Variants in NOCT observed in about 807,000 individuals in gnomAD.
NOCT encodes the protein CCR4 carbon catabolite repression 4-like.
NOCT carries 18 observed loss-of-function variants against 35.0 expected under a neutral mutation model. That is an observed-to-expected ratio of 0.51 (90% CI 0.36 to 0.76). The LOEUF is 0.76. Among genes scored for constraint, NOCT ranks in the 30% least tolerant of loss-of-function variants. The pLI, the probability that NOCT is intolerant of heterozygous loss-of-function variation, is 0.01. For missense variants in NOCT, 479 were observed against 541.0 expected (o/e 0.89, Z 1.14); for synonymous variants, 235 against 226.3 (o/e 1.04, Z -0.34).
intron 1 of NOCT, among the ~76,000 whole-genome samples, chr4:139,017,175 A>G (rs1726327211): frequency 6.6e-6 from 1 of 151,292 alleles, no homozygotes; most frequent in African/African-American, 2.4e-5. Context: ...CAAATTAATT[A>G]TACTTTAAAA....
At chr4:139,033,660 G>A (rs1204376065) in intron 1 of NOCT, among the ~76,000 whole-genome samples, 2 of 151,750 alleles carry the variant, frequency 1.3e-5, no homozygotes, top group South Asian at 4.2e-4. Context: ...CCTGGGCAAT[G>A]GAGTGAGACC....
chr4:139,029,381 A>C (rs1726583023), intron 1 of NOCT, among the ~76,000 whole-genome samples: 1 of 152,250 alleles, frequency 6.6e-6, no homozygotes, highest in Non-Finnish European at 1.5e-5. Flanking sequence ...ATTTGGATTC[A>C]GGCAGCCTAA....
intron 1 of NOCT, among the ~76,000 whole-genome samples, chr4:139,028,932 A>C (rs1386054507): frequency 1.3e-5 from 2 of 152,006 alleles, no homozygotes; most frequent in African/African-American, 2.4e-5. Flanking sequence ...ACCTCCTCCC[A>C]GGTTCAAGCA....
chr4:139,043,415 G>A (rs1299004035), intron 2 of NOCT, 72 bp downstream of exon 2: 4 of 1,444,270 alleles, frequency 2.8e-6, no homozygotes, highest in Non-Finnish European at 3.9e-6. Flanking sequence ...CACATCCACA[G>A]TGCACTGTTT....
At chr4:139,025,030 A>G (rs539683465) in intron 1 of NOCT, among the ~76,000 whole-genome samples, 2 of 152,302 alleles carry the variant, frequency 1.3e-5, no homozygotes, top group East Asian at 3.9e-4. Context: ...TTCCTTCTAT[A>G]TTCTTCAGTC....
At chr4:139,029,455 A>AGCTGAGGCTT (rs1349150878) in intron 1 of NOCT, among the ~76,000 whole-genome samples, 1 of 152,166 alleles carries the variant, frequency 6.6e-6, no homozygotes, top group Non-Finnish European at 1.5e-5. Context: ...TCCTGGAGAG[A>AGCTGAGGCTT]GCTGAGGCTT....
At chr4:139,032,507 T>A (rs562948374) in intron 1 of NOCT, among the ~76,000 whole-genome samples, 12 of 151,924 alleles carry the variant, frequency 7.9e-5, no homozygotes, top group African/African-American at 1.9e-4. Flanking sequence ...TAAAAAAAAA[T>A]TTAATAAAAA....
At chr4:139,032,796 C>T (rs1475091448) in intron 1 of NOCT, among the ~76,000 whole-genome samples, 1 of 152,124 alleles carries the variant, frequency 6.6e-6, no homozygotes, top group Non-Finnish European at 1.5e-5. Context: ...TGAATAGCAA[C>T]TCCTATTAAG....
chr4:139,016,062 G>T lies in NOCT; in HGVS notation c.81G>T (p.Gly27=). The part of the protein sequence containing the change: ...APGLRRLPAP[G]LRRPLSPPAA... ...GCCTGCGCCGCCTGCCCGCCCCAGG[G>T]CTGCGCCGCCCGTTGTCCCCGCCGG... The change falls in exon 1 of 3, where the codon GGG becomes GGT. Residue 27 remains glycine, a synonymous_variant. Transcript: ENST00000280614. 7.2e-7 allele frequency: 1 copy of T among 1,392,370 alleles called. No individual in the cohort carries two copies. Among genetic ancestry groups the T allele is most frequent in the Non-Finnish European group, 9.3e-7 (1 of 1,071,376 alleles). The allele number at this position is 1,392,370 out of a possible 1,614,324, so 86.3% of individuals were successfully genotyped here.
intron 1 of NOCT, among the ~76,000 whole-genome samples, chr4:139,026,007 T>G (rs1320245975): frequency 6.6e-6 from 1 of 152,198 alleles, no homozygotes; most frequent in Non-Finnish European, 1.5e-5. Context: ...TTCCCCTCCT[T>G]TTTAAGTGAC....
intron 1 of NOCT, among the ~76,000 whole-genome samples, chr4:139,041,654 GGTGC>G (rs1726834197): frequency 6.6e-6 from 1 of 152,172 alleles, no homozygotes; most frequent in Admixed American, 6.5e-5. Flanking sequence ...CAAAGTAACT[GGTGC>G]TTCCTGCATT....
intron 1 of NOCT, among the ~76,000 whole-genome samples, chr4:139,032,321 G>T (rs1726641420): frequency 6.6e-6 from 1 of 152,258 alleles, no homozygotes; most frequent in Admixed American, 6.5e-5. Flanking sequence ...TATTTAATGT[G>T]CCTGTTAACT....
chr4:139,020,967 T>C (rs1396517454), intron 1 of NOCT, among the ~76,000 whole-genome samples: 2 of 149,546 alleles, frequency 1.3e-5, no homozygotes, highest in Non-Finnish European at 3.0e-5. Context: ...CTTCGGAAAC[T>C]GAGGCAGGAG....
intron 1 of NOCT, among the ~76,000 whole-genome samples, chr4:139,034,888 C>A (rs576828304): frequency 2.0e-5 from 3 of 152,260 alleles, no homozygotes; most frequent in African/African-American, 7.2e-5. Flanking sequence ...CTGGCCATGT[C>A]ATTTCATGTT....
At chr4:139,030,021 A>G (rs1726597367) in intron 1 of NOCT, among the ~76,000 whole-genome samples, 1 of 152,096 alleles carries the variant, frequency 6.6e-6, no homozygotes, top group Non-Finnish European at 1.5e-5. Flanking sequence ...CCTACTGAGT[A>G]GCTGGGATTA....
intron 1 of NOCT, among the ~76,000 whole-genome samples, chr4:139,033,226 G>A (rs1303331424): frequency 6.6e-6 from 1 of 151,484 alleles, no homozygotes; most frequent in East Asian, 1.9e-4. Flanking sequence ...TTAGACAGGT[G>A]TGGTGGTGTG....
intron 1 of NOCT, among the ~76,000 whole-genome samples, chr4:139,040,903 A>G (rs1407869481): frequency 6.6e-6 from 1 of 152,092 alleles, no homozygotes; most frequent in Non-Finnish European, 1.5e-5. Context: ...AACCTACAGG[A>G]AGTAAAAAAA....
Position 139,043,091 on chromosome 4 carries a change from G to T in NOCT, c.208G>T (p.Gly70Cys). Residue 70 changes from glycine to cysteine, a missense_variant, in exon 2 of 3, where the codon GGT becomes TGT. Transcript: ENST00000280614. ...TTCCGTAGTGTGTTCCATGGGAACC[G>T]GTACAAGCAGACTCTATAGTGCTCT... ...CSRTVCSMGT[G>C]TSRLYSALAK... is the part of the protein sequence containing the mutation. 1.9e-6 allele frequency: 3 copies of T among 1,602,314 alleles called. No individual in the cohort carries two copies. Among genetic ancestry groups the T allele is most frequent in the Non-Finnish European group, 2.6e-6 (3 of 1,170,198 alleles).
rs116182834 is a variant in NOCT, at chr4:139,015,918, C to T, written c.-64C>T. The T allele has an allele frequency of 2.4e-6, 3 of 1,248,112 alleles. No individual in the cohort carries two copies. Among genetic ancestry groups the T allele is most frequent in the East Asian group, 6.7e-5 (2 of 29,808 alleles). The allele number at this position is 1,248,112 out of a possible 1,614,324, so 77.3% of individuals were successfully genotyped here. A position where few individuals can be genotyped will look rare whatever the true frequency, so the allele number is the denominator to read the frequency against. On this transcript the variant is annotated 5_prime_UTR_variant, in exon 1 of 3. Transcript: ENST00000280614. ...CGGACAGTCGGCTCGACTCGGTGCC[C>T]TCGGCCCCAGCCGGGCTCCGCTCCT...
Sources: allele counts gnomAD v4.1 joint callset (sites outside exome capture counted in the v4.1 genomes callset), GRCh38; gene constraint gnomAD v4.1.1; transcripts MANE v1.5; gene names NCBI Gene and HGNC (gene_info 2026-07-23, HGNC 2026-07-21).